Variants in EIF4E3 observed in about 807,000 individuals in gnomAD.
The protein encoded by EIF4E3 is eukaryotic translation initiation factor 4E type 3.
Under a neutral mutation model 31.7 loss-of-function variants are expected in EIF4E3, and 26 were observed. The ratio of observed to expected loss-of-function variants is 0.82; its 90% CI spans 0.60 to 1.14. The LOEUF (loss-of-function observed/expected upper bound fraction) is 1.14. EIF4E3 is among the 50% of genes most tolerant of loss of function. The pLI, the probability that EIF4E3 is intolerant of heterozygous loss-of-function variation, is 0.00. For missense variants in EIF4E3, 304 were observed against 270.9 expected, an observed-to-expected ratio of 1.12 and a Z score of -0.86; for synonymous variants, 128 against 107.7, an observed-to-expected ratio of 1.19 and a Z score of -1.17.
At chr3:71,737,988 C>T (rs912862342) in intron 1 of EIF4E3, among the ~76,000 whole-genome samples, 9 of 152,058 alleles carry the variant, frequency 5.9e-5, no homozygotes, top group African/African-American at 1.9e-4. Context: ...ATTCCTCCCA[C>T]GAAGTATAGT....
At chr3:71,702,765 T>C (rs1278710262) in intron 2 of EIF4E3, among the ~76,000 whole-genome samples, 1 of 151,008 alleles carries the variant, frequency 6.6e-6, no homozygotes, top group Non-Finnish European at 1.5e-5. Context: ...AACTGGTCTG[T>C]TTCCCTGTTG....
chr3:71,703,566 C>T (rs2049247788), intron 2 of EIF4E3, among the ~76,000 whole-genome samples: 1 of 151,966 alleles, frequency 6.6e-6, no homozygotes, highest in Non-Finnish European at 1.5e-5. Flanking sequence ...TTGATAAATC[C>T]CCAATCTGAT....
intron 1 of EIF4E3, among the ~76,000 whole-genome samples, chr3:71,741,295 A>G (rs1253423126): frequency 6.6e-6 from 1 of 152,180 alleles, no homozygotes; most frequent in Non-Finnish European, 1.5e-5. Flanking sequence ...AGCATATCCT[A>G]CAATGAAATA....
intron 6 of EIF4E3, among the ~76,000 whole-genome samples, chr3:71,687,755 C>T (rs2049012962): frequency 6.6e-6 from 1 of 152,204 alleles, no homozygotes; most frequent in Non-Finnish European, 1.5e-5. Context: ...CGCTAGAGGC[C>T]ATGACTGAAT....
chr3:71,753,500 G>A, exon 1 of EIF4E3: 1 of 151,720 alleles, frequency 6.6e-6, no homozygotes, highest in East Asian at 1.9e-4. Context: ...CTTGCGTCCT[G>A]GGCCCTGCCT....
At chr3:71,742,026 A>C (rs2049826094) in intron 1 of EIF4E3, among the ~76,000 whole-genome samples, 2 of 152,208 alleles carry the variant, frequency 1.3e-5, no homozygotes, top group African/African-American at 2.4e-5. Context: ...TCTTAGGGGA[A>C]AATTTATAAC....
At chr3:71,726,797 A>G (rs554795339), upstream of EIF4E3, among the ~76,000 whole-genome samples, 14 of 152,238 alleles carry the variant, frequency 9.2e-5, no homozygotes, top group Non-Finnish European at 2.1e-4. Context: ...TGCTGGAAGC[A>G]ATGACAGATT....
intron 1 of EIF4E3, among the ~76,000 whole-genome samples, chr3:71,752,578 G>A (rs990380733): frequency 6.6e-5 from 10 of 152,156 alleles, no homozygotes; most frequent in African/African-American, 2.4e-4. Flanking sequence ...GTGTGGGTGA[G>A]AAACAATGCG....
At chr3:71,664,846 G>A in the EIF4E3 span, among the ~76,000 whole-genome samples, 1 of 152,162 alleles carries the variant, frequency 6.6e-6, no homozygotes, top group Non-Finnish European at 1.5e-5. Flanking sequence ...CTGCACTCCA[G>A]CCTAGGCGAC....
At position 71,675,803 on chromosome 3, in the gene EIF4E3, C is replaced by G. The variant is rs1019087940; in HGVS notation, c.*8879G>C. ...CTCATAAGGAATCTCAAAATTCTTGCACATCATATCTTCAACTTCCACCAA... is the reference window on the plus strand; with the variant it reads ...CTCATAAGGAATCTCAAAATTCTTGGACATCATATCTTCAACTTCCACCAA... On this transcript the variant is annotated 3_prime_UTR_variant, in exon 7 of 7. Coordinates refer to ENST00000425534, the MANE Select transcript of EIF4E3 (RefSeq NM_001134651.2). 9.2e-5 allele frequency: 14 copies of G among 152,200 alleles called. No individual in the cohort carries two copies. Among genetic ancestry groups the G allele is most frequent in the Admixed American group, 2.0e-4 (3 of 15,278 alleles). The allele number at this position is 152,200 out of a possible 1,614,324, so 9.4% of individuals were successfully genotyped here.
At chr3:71,734,593 C>T (rs2049741878) in intron 1 of EIF4E3, among the ~76,000 whole-genome samples, 1 of 152,030 alleles carries the variant, frequency 6.6e-6, no homozygotes, top group African/African-American at 2.4e-5. Flanking sequence ...GAGGGAAAAT[C>T]ATTAATAAAA....
chr3:71,715,701 G>T (rs1340542996), intron 1 of EIF4E3, among the ~76,000 whole-genome samples: 1 of 152,160 alleles, frequency 6.6e-6, no homozygotes, highest in Non-Finnish European at 1.5e-5. Context: ...GATGGATCAG[G>T]TTAAAGAATT....
At chr3:71,726,022 G>A (rs2049633833), upstream of EIF4E3, among the ~76,000 whole-genome samples, 1 of 152,190 alleles carries the variant, frequency 6.6e-6, no homozygotes, top group Admixed American at 6.5e-5. Context: ...CAAAGGGCGA[G>A]AAAGAAGAAC....
intron 1 of EIF4E3, among the ~76,000 whole-genome samples, chr3:71,732,303 C>T (rs1255551923): frequency 6.6e-6 from 1 of 152,156 alleles, no homozygotes; most frequent in Non-Finnish European, 1.5e-5. Flanking sequence ...AGTCACCAAA[C>T]ACACCCCAGA....
Position 71,710,501 on chromosome 3 carries a change from A to G in EIF4E3, c.177-17T>C. 5.8e-6 allele frequency: 9 copies of G among 1,551,902 alleles called. No individual in the cohort carries two copies. The highest frequency in any genetic ancestry group is 7.8e-6 in the Non-Finnish European group (9 of 1,147,040). ...GGGAGGGATCTAGGCAAGCAGGAGC[A>G]GGACAAAGACACAAACAAAACAAGC... On this transcript the variant is annotated splice_polypyrimidine_tract_variant and intron_variant, in intron 1 of 6. Coordinates refer to ENST00000425534, the MANE Select transcript of EIF4E3 (RefSeq NM_001134651.2).
At chr3:71,699,182 G>A (rs1198770032) in intron 3 of EIF4E3, among the ~76,000 whole-genome samples, 1 of 152,020 alleles carries the variant, frequency 6.6e-6, no homozygotes, top group Admixed American at 6.6e-5. Flanking sequence ...AGCCGTGATG[G>A]TGCCACTGCA....
chr3:71,682,513 T>C lies in EIF4E3; in HGVS notation c.*2169A>G, dbSNP rs557157672. On this transcript the variant is annotated 3_prime_UTR_variant, in exon 7 of 7. Coordinates refer to ENST00000425534, the MANE Select transcript of EIF4E3 (RefSeq NM_001134651.2). ...TCATACAAAGTCTATTATGATTAAA[T>C]ATTCAATTAAAACAATTTCCAAACC... 1.4e-4 allele frequency: 22 copies of C among 152,374 alleles called. No homozygotes were observed. The highest frequency in any genetic ancestry group is 3.8e-4 in the African/African-American group (16 of 41,590). The allele number at this position is 152,374 out of a possible 1,614,324, so 9.4% of individuals were successfully genotyped here. A position where few individuals can be genotyped will look rare whatever the true frequency, so the allele number is the denominator to read the frequency against.
Position 71,710,422 on chromosome 3 carries a change from T to C in EIF4E3, c.239A>G (p.Gln80Arg), listed in dbSNP as rs1255394725. The C allele has an allele frequency of 5.8e-6, 9 of 1,552,166 alleles. No homozygotes were observed. The highest frequency in any genetic ancestry group is 3.9e-5 in the Admixed American group (2 of 51,006). The change falls in exon 2 of 7, where the codon CAG becomes CGG. Residue 80 changes from glutamine to arginine, a missense_variant. Transcript: ENST00000425534. ...ASNLKKIYTV[Q>R]TVQIFWSVYN... is the part of the protein sequence containing the mutation. The stretch of plus-strand genomic sequence containing the variant: ...CTCTCTTGATCTTACCTGTACTGTC[T>C]GTACTGTGTAGATTTTCTTCAGATT...
chr3:71,752,533 C>A, intron 1 of EIF4E3, among the ~76,000 whole-genome samples: 1 of 151,850 alleles, frequency 6.6e-6, no homozygotes, highest in East Asian at 1.9e-4. Flanking sequence ...CAGTAGGCAA[C>A]AAATAATTTT....
Sources: allele counts gnomAD v4.1 joint callset (sites outside exome capture counted in the v4.1 genomes callset), GRCh38; gene constraint gnomAD v4.1.1; transcripts MANE v1.5; gene names NCBI Gene and HGNC (gene_info 2026-07-23, HGNC 2026-07-21).